Variants in ERCC3 observed in about 807,000 individuals in gnomAD.
The protein encoded by ERCC3 is ERCC excision repair 3, TFIIH core complex helicase subunit, also known as general transcription and DNA repair factor IIH helicase/translocase subunit XPB.
In ERCC3, 66 loss-of-function variants were observed where a neutral mutation model predicts 94.2. The observed-to-expected ratio is 0.70, with a 90% CI of 0.57 to 0.86. ERCC3 has a LOEUF of 0.86. ERCC3 is among the 40% of genes least tolerant of loss of function. The pLI, the probability that ERCC3 is intolerant of heterozygous loss-of-function variation, is 0.00. For missense variants in ERCC3, 829 were observed against 987.1 expected (o/e 0.84, Z 2.15); for synonymous variants, 349 against 369.1 (o/e 0.95, Z 0.63).
At position 127,258,963 on chromosome 2, in the gene ERCC3, C is replaced by T. The variant is rs1684104657; in HGVS notation, c.2217+333G>A. 6.6e-6 allele frequency among the ~76,000 whole-genome samples: 1 copy of T among 152,254 alleles called. No homozygotes were observed. Among genetic ancestry groups the T allele is most frequent in the South Asian group, 2.1e-4 (1 of 4,824 alleles). On this transcript the variant is annotated intron_variant, in intron 14 of 14. Transcript: ENST00000285398. This position sits in a 1 kb window ranked among gnomAD's most constrained non-coding sequence, Gnocchi z 4.1. ...CCCTGTGTGTGGGAACTACGTACCCCCAGCCCATCATGCTCCCTCCAGTCA... is the reference window on the plus strand; with the variant it reads ...CCCTGTGTGTGGGAACTACGTACCCTCAGCCCATCATGCTCCCTCCAGTCA...
chr2:127,278,504 G>T (rs948967833), intron 10 of ERCC3, among the ~76,000 whole-genome samples: 9 of 152,036 alleles, frequency 5.9e-5, no homozygotes, highest in Non-Finnish European at 1.3e-4. Context: ...ATTTTATATG[G>T]CTGAAGTGAG....
rs573114609 is a variant in ERCC3 at position 127,279,033 on chromosome 2, A to G, written c.1730+140T>C. On this transcript the variant is annotated intron_variant, in intron 10 of 14. Coordinates refer to ENST00000285398, the MANE Select transcript of ERCC3 (RefSeq NM_000122.2). This position sits in a 1 kb window ranked among gnomAD's most constrained non-coding sequence, Gnocchi z 4.7. ...CTTCAGGTCTTCCCTGGTTTCTGAG[A>G]CCAGGGCCACAGAACAAGATCTTTG... The G allele has an allele frequency of 8.6e-6, 6 of 695,680 alleles. No individual in the cohort carries two copies. The African/African-American group carries it at 8.9e-5, about 10-fold the overall frequency. The allele number at this position is 695,680 out of a possible 1,614,324, so 43.1% of individuals were successfully genotyped here.
rs531453227 is a variant in ERCC3, at chr2:127,266,962, G to A, written c.1945+4374C>T. Among the ~76,000 whole-genome samples, 52 of 152,056 alleles carry A rather than the reference G, an allele frequency of 3.4e-4. 1 individual carries two copies. The highest frequency in any genetic ancestry group is 1.0e-3 in the African/African-American group (42 of 41,490). On this transcript the variant is annotated intron_variant, in intron 12 of 14. Transcript: ENST00000285398. ...AACTCCCGAGCTCAGGCAATCTGCC[G>A]GCCTCAGCCTCCCAAAGTGCTGGGA...
chr2:127,289,905 C>T, intron 4 of ERCC3, 81 bp from the exon 5 acceptor site: 1 of 1,496,268 alleles, frequency 6.7e-7, no homozygotes, highest in Non-Finnish European at 9.3e-7. Flanking sequence ...ATTAGATGGT[C>T]TGGAAATACA....
At chr2:127,287,463 T>C (rs1685116818) in intron 7 of ERCC3, among the ~76,000 whole-genome samples, 1 of 152,028 alleles carries the variant, frequency 6.6e-6, no homozygotes, top group Non-Finnish European at 1.5e-5. Flanking sequence ...TGAAACCCTA[T>C]CTTTACTAAA....
intron 12 of ERCC3, among the ~76,000 whole-genome samples, chr2:127,266,577 T>G (rs1333036348): frequency 6.6e-6 from 1 of 151,956 alleles, no homozygotes; most frequent in Admixed American, 6.6e-5. Flanking sequence ...GACCTCGTGA[T>G]CCACCCGCCT....
chr2:127,261,287 C>G lies in ERCC3; in HGVS notation c.2005G>C (p.Glu669Gln). The change falls in exon 13 of 15, where the codon GAA becomes CAA. Residue 669 changes from glutamate (E) to glutamine (Q), a missense_variant. Physicochemically the swap from Glu to Gln is conservative, Grantham distance 29 (BLOSUM62 2). Coordinates refer to ENST00000285398, the MANE Select transcript of ERCC3 (RefSeq NM_000122.2). ...FYSLVSQDTQ[E>Q]MAYSTKRQRF... is the part of the protein sequence containing the mutation. ...TGCCGCTTGGTTGAGTAAGCCATTT[C>G]CTGTGTGTCCTGGGATACCAGTGAG... The G allele has an allele frequency of 6.2e-7, 1 of 1,613,816 alleles. No homozygotes were observed. The highest frequency in any genetic ancestry group is 2.2e-5 in the East Asian group (1 of 44,886).
chr2:127,266,598 A>G (rs1339738297), intron 12 of ERCC3, among the ~76,000 whole-genome samples: 6 of 152,056 alleles, frequency 3.9e-5, no homozygotes, highest in African/African-American at 1.4e-4. Flanking sequence ...TGGCTTCCCA[A>G]AGTGCTGGGA....
intron 10 of ERCC3, among the ~76,000 whole-genome samples, chr2:127,273,723 T>A (rs919713821): frequency 1.9e-5 from 2 of 104,616 alleles, no homozygotes; most frequent in Admixed American, 1.5e-4. Flanking sequence ...CACTCCACCC[T>A]GGGAAACAAG....
At chr2:127,272,335 A>G (rs1461678394) in intron 11 of ERCC3, among the ~76,000 whole-genome samples, 1 of 151,976 alleles carries the variant, frequency 6.6e-6, no homozygotes, top group African/African-American at 2.4e-5. Context: ...GTAAAATCTC[A>G]TTTCTTTTGG....
intron 8 of ERCC3, among the ~76,000 whole-genome samples, chr2:127,286,357 T>C (rs1475992398): frequency 2.6e-5 from 4 of 152,078 alleles, no homozygotes; most frequent in Non-Finnish European, 5.9e-5. Context: ...AAGACCAGCC[T>C]GGCCAAGATG....
chr2:127,292,074 G>A (rs937577896), intron 3 of ERCC3: 2 of 203,966 alleles, frequency 9.8e-6, no homozygotes, highest in Non-Finnish European at 2.0e-5. Context: ...CCTTCCCATT[G>A]TGTACTCACA....
At position 127,292,824 on chromosome 2, in the gene ERCC3, A is replaced by C; in HGVS notation, c.257T>G (p.Leu86Trp). 1 of 1,613,124 alleles carries C rather than the reference A, an allele frequency of 6.2e-7. No individual in the cohort carries two copies. The highest frequency in any genetic ancestry group is 8.5e-7 in the Non-Finnish European group (1 of 1,179,524). The part of the protein sequence containing the change: ...LWVAPDGHIF[L>W]EAFSPVYKYA... ...TTTGTAAACTGGAGAGAAGGCTTCC[A>C]AGAAGATATGGCCATCGGGAGCCTG... The change falls in exon 3 of 15, where the codon TTG becomes TGG. Residue 86 changes from leucine (L) to tryptophan (W), a missense_variant. By Grantham distance (61) the Leu-to-Trp change is moderately conservative (BLOSUM62 -2). Coordinates refer to ENST00000285398, the MANE Select transcript of ERCC3 (RefSeq NM_000122.2).
chr2:127,292,553 A>G, intron 3 of ERCC3, 57 bp downstream of exon 3: 1 of 1,093,008 alleles, frequency 9.1e-7, no homozygotes, highest in Non-Finnish European at 1.4e-6. Flanking sequence ...TGGAGCACCT[A>G]TGCCTATTGT....
rs761456808 is a variant in ERCC3 at position 127,289,367 on chromosome 2, CTCT to C, written c.789_791del (p.Glu264del). On this transcript the variant is annotated inframe_deletion, in exon 6 of 15. Transcript: ENST00000285398. ...TGACTTCAAAAGACACTGTCTGTGTCTCTTCTTCTTCTTCTTCATCCTTGTCCA... is the reference window on the plus strand; with the variant it reads ...TGACTTCAAAAGACACTGTCTGTGTCTCTTCTTCTTCTTCATCCTTGTCCA... 4.2e-5 allele frequency: 67 copies of C among 1,610,196 alleles called. No individual in the cohort carries two copies. Among genetic ancestry groups the C allele is most frequent in the East Asian group, 8.9e-5 (4 of 44,798 alleles).
In ERCC3 at chr2:127,280,542, C is replaced by T. The variant is rs1363487714; in HGVS notation, c.1432G>A (p.Val478Met). ...ATLVREDDKI[V>M]DLNFLIGPKL... Reference sequence around the variant, plus strand: ...GGCCCAATCAGAAAATTTAAATCCACAATTTTGTCATCTTCGCGGACGAGG... The same window carrying T: ...GGCCCAATCAGAAAATTTAAATCCATAATTTTGTCATCTTCGCGGACGAGG... The change falls in exon 9 of 15, where the codon GTG (valine) becomes ATG (methionine). Residue 478 changes from valine (V) to methionine (M), a missense_variant. By Grantham distance (21) the Val-to-Met change is conservative. Coordinates refer to ENST00000285398, the MANE Select transcript of ERCC3 (RefSeq NM_000122.2). The surrounding 1 kb of genome is among the most constrained non-coding windows in gnomAD (Gnocchi z 6.3). 6 of 1,614,182 alleles carry T rather than the reference C, an allele frequency of 3.7e-6. No homozygotes were observed. In the South Asian group the frequency reaches 4.4e-5, roughly 12 times the overall value.
rs1684671555 is a variant in ERCC3 at position 127,274,496 on chromosome 2, A to T, written c.1731-1535T>A. 6.6e-6 allele frequency among the ~76,000 whole-genome samples: 1 copy of T among 152,190 alleles called. No homozygotes were observed. Among genetic ancestry groups the T allele is most frequent in the Non-Finnish European group, 1.5e-5 (1 of 68,030 alleles). ...ACTGCCGAGGCCCGTTAGCACCCAG[A>T]GCAGTGCCCATTAATGGATGTACCT... On this transcript the variant is annotated intron_variant, in intron 10 of 14. Transcript: ENST00000285398. The surrounding 1 kb of genome is among the most constrained non-coding windows in gnomAD (Gnocchi z 4.0).
At chr2:127,286,669 C>T (rs755082556) in intron 8 of ERCC3, 34 bp downstream of exon 8, 40 of 1,604,976 alleles carry the variant, frequency 2.5e-5, no homozygotes, top group Non-Finnish European at 3.2e-5. Flanking sequence ...TTTGTCTGTT[C>T]AGCAAGTGGA....
At chr2:127,261,590 G>A (rs941805062) in intron 12 of ERCC3, 8 of 497,420 alleles carry the variant, frequency 1.6e-5, no homozygotes, top group Non-Finnish European at 2.6e-5. Context: ...TCTGATAAGG[G>A]ATTTGTATCT....
Sources: gnomAD v4.1 joint callset for allele counts (sites outside exome capture counted in the v4.1 genomes callset) on GRCh38, gnomAD v4.1.1 for gene constraint, Gnocchi (gnomAD v3.1) non-coding constraint, MANE v1.5 for transcripts, NCBI Gene and HGNC (gene_info 2026-07-23, HGNC 2026-07-21) for gene names.